The following CCSER1 variants were observed in gnomAD, a reference collection of about 807,000 sequenced individuals.
The protein encoded by CCSER1 is serine-rich coiled-coil domain-containing protein 1.
Under a neutral mutation model 82.0 loss-of-function variants are expected in CCSER1, and 41 were observed. That is an observed-to-expected ratio of 0.50 (90% CI 0.39 to 0.65). CCSER1 has a LOEUF of 0.65. Ranked by LOEUF, CCSER1 falls within the 30% of genes least tolerant of loss-of-function variation. The pLI, the probability that CCSER1 is intolerant of heterozygous loss-of-function variation, is 0.00. For synonymous variants in CCSER1, 414 were observed against 383.9 expected (o/e 1.08, Z -0.92); for missense variants, 1,119 against 1,064.2 (o/e 1.05, Z -0.72).
At chr4:91,132,145 T>A (rs1408039342) in intron 10 of CCSER1, among the ~76,000 whole-genome samples, 1 of 152,082 alleles carries the variant, frequency 6.6e-6, no homozygotes, top group Non-Finnish European at 1.5e-5. Context: ...AAGAATATAT[T>A]CATCATTTTT....
chr4:91,566,366 C>T (rs1762883740), intron 10 of CCSER1, among the ~76,000 whole-genome samples: 1 of 152,096 alleles, frequency 6.6e-6, no homozygotes, highest in Non-Finnish European at 1.5e-5. Context: ...TGTTTTGTCT[C>T]TGCCAGGTTT....
chr4:91,132,974 C>G lies in CCSER1; in HGVS notation c.2217+46980C>G, dbSNP rs530139051. On this transcript the variant is annotated intron_variant, in intron 10 of 10. Coordinates refer to ENST00000509176, the MANE Select transcript of CCSER1 (RefSeq NM_001145065.2). ...GATCTGACTTCTTGGGGATATAATC[C>G]TTGCTACTTGATTTTGTCAGGGCTT... is the stretch of plus-strand genomic sequence containing the variant. 2.6e-5 allele frequency among the ~76,000 whole-genome samples: 4 copies of G among 152,198 alleles called. No homozygotes were observed. In the South Asian group the frequency reaches 8.3e-4, roughly 32 times the overall value.
chr4:90,872,006 T>A (rs1338387240), intron 8 of CCSER1, among the ~76,000 whole-genome samples: 1 of 151,894 alleles, frequency 6.6e-6, no homozygotes, highest in Admixed American at 6.6e-5. Flanking sequence ...CTGCTTTTCA[T>A]TTTCATGGAA....
At chr4:91,233,179 A>G (rs969096285) in intron 10 of CCSER1, among the ~76,000 whole-genome samples, 7 of 151,902 alleles carry the variant, frequency 4.6e-5, no homozygotes, top group Non-Finnish European at 1.0e-4. Flanking sequence ...CTCCAAAACA[A>G]TGAGAAAGCA....
chr4:90,221,578 T>C (rs1312225857), intron 1 of CCSER1, among the ~76,000 whole-genome samples: 1 of 152,150 alleles, frequency 6.6e-6, no homozygotes, highest in East Asian at 1.9e-4. Flanking sequence ...GGAATTCTGA[T>C]CAAACCTCAA....
intron 6 of CCSER1, among the ~76,000 whole-genome samples, chr4:90,699,441 G>C (rs770976079): frequency 6.6e-6 from 1 of 152,144 alleles, no homozygotes; most frequent in Non-Finnish European, 1.5e-5. Context: ...ATGGGCAGTT[G>C]AATCAATTGA....
At chr4:91,496,614 ACACGAATATATAT>A (rs1560716291) in intron 10 of CCSER1, among the ~76,000 whole-genome samples, 2 of 17,956 alleles carry the variant, frequency 1.1e-4, no homozygotes, top group African/African-American at 2.6e-4. Flanking sequence ...ATATATATAT[ACACGAATATATAT>A]TTGAATATAT....
At chr4:90,639,434 C>T (rs1191614418) in intron 6 of CCSER1, among the ~76,000 whole-genome samples, 2 of 152,014 alleles carry the variant, frequency 1.3e-5, no homozygotes, top group Non-Finnish European at 2.9e-5. Context: ...TTTGACTTGA[C>T]ACCACTCCAC....
At chr4:91,435,128 T>C (rs1016860789) in intron 10 of CCSER1, among the ~76,000 whole-genome samples, 1 of 152,158 alleles carries the variant, frequency 6.6e-6, no homozygotes, top group African/African-American at 2.4e-5. Context: ...ACACTTTCCA[T>C]GGTATTTCAT....
At chr4:90,983,465 A>G (rs1736305186) in intron 9 of CCSER1, among the ~76,000 whole-genome samples, 1 of 151,620 alleles carries the variant, frequency 6.6e-6, no homozygotes, top group African/African-American at 2.4e-5. Flanking sequence ...GTCACTGAAA[A>G]TCTGTGATCC....
At chr4:90,304,526 T>C (rs991086692) in intron 1 of CCSER1, among the ~76,000 whole-genome samples, 1 of 152,186 alleles carries the variant, frequency 6.6e-6, no homozygotes, top group Non-Finnish European at 1.5e-5. Flanking sequence ...GAAATCATCA[T>C]TCTCAGTAAA....
chr4:90,616,679 TGTCTCACACACA>T (rs1266000694), intron 5 of CCSER1, among the ~76,000 whole-genome samples: 3 of 135,574 alleles, frequency 2.2e-5, no homozygotes, highest in Admixed American at 8.0e-5. Context: ...AGTGTGGCTC[TGTCTCACACACA>T]CACACACACA....
At chr4:90,252,463 A>T (rs1489789224) in intron 1 of CCSER1, among the ~76,000 whole-genome samples, 2 of 151,482 alleles carry the variant, frequency 1.3e-5, no homozygotes, top group African/African-American at 2.4e-5. Context: ...TACTATTTAT[A>T]TATTTGTAAA....
At chr4:91,571,549 G>A (rs939093639) in intron 10 of CCSER1, among the ~76,000 whole-genome samples, 1 of 152,164 alleles carries the variant, frequency 6.6e-6, no homozygotes, top group African/African-American at 2.4e-5. Context: ...AATGCCAGCA[G>A]GGTAAATGCC....
intron 1 of CCSER1, among the ~76,000 whole-genome samples, chr4:90,138,824 A>G (rs547040210): frequency 6.6e-6 from 1 of 152,238 alleles, no homozygotes; most frequent in African/African-American, 2.4e-5. Flanking sequence ...TTCACTTTTT[A>G]AGACCTTTGG....
At chr4:91,466,291 C>T (rs1244173579) in intron 10 of CCSER1, among the ~76,000 whole-genome samples, 1 of 152,060 alleles carries the variant, frequency 6.6e-6, no homozygotes, top group Admixed American at 6.6e-5. Flanking sequence ...AGGCCTTTGA[C>T]AAAATTCAAC....
At chr4:90,165,916 G>C (rs1011245588) in intron 1 of CCSER1, among the ~76,000 whole-genome samples, 5 of 152,014 alleles carry the variant, frequency 3.3e-5, no homozygotes, top group Admixed American at 2.6e-4. Context: ...AAAATCTCTA[G>C]GGAAAACTAG....
chr4:91,521,839 A>C (rs1309854316), intron 10 of CCSER1, among the ~76,000 whole-genome samples: 1 of 152,088 alleles, frequency 6.6e-6, no homozygotes, highest in African/African-American at 2.4e-5. Flanking sequence ...TTGCCTGTTC[A>C]CTCTGATGGC....
chr4:91,074,906 C>T (rs1483369582), intron 9 of CCSER1, among the ~76,000 whole-genome samples: 13 of 152,250 alleles, frequency 8.5e-5, no homozygotes, highest in Middle Eastern at 3.4e-3. Context: ...TTTATTCCAT[C>T]TGTCCAATCT....
Sources: gnomAD v4.1 joint callset for allele counts (sites outside exome capture counted in the v4.1 genomes callset) on GRCh38, gnomAD v4.1.1 for gene constraint, MANE v1.5 for transcripts, NCBI Gene and HGNC (gene_info 2026-07-23, HGNC 2026-07-21) for gene names.